PIGR: variants seen among roughly 807,000 people sequenced by gnomAD.
PIGR encodes the protein hepatocellular carcinoma associated protein TB6.
PIGR carries 22 observed loss-of-function variants against 69.5 expected under a neutral mutation model. That is an observed-to-expected ratio of 0.32 (90% confidence interval 0.23 to 0.45). The LOEUF (loss-of-function observed/expected upper bound fraction) is 0.45. Ranked by LOEUF, PIGR falls within the 20% of genes least tolerant of loss-of-function variation. The pLI is 1.00. For synonymous variants in PIGR, 413 were observed against 407.6 expected, an observed-to-expected ratio of 1.01 and a Z score of -0.16; for missense variants, 885 against 974.0, an observed-to-expected ratio of 0.91 and a Z score of 1.22.
At chr1:206,932,411 G>A (rs1310076688) in intron 8 of PIGR, 45 bp downstream of exon 8, 2 of 1,576,594 alleles carry the variant, frequency 1.3e-6, no homozygotes, top group Non-Finnish European at 1.7e-6. Context: ...CAGGACTGAG[G>A]GCTCGGGTTG....
chr1:206,937,389 C>A lies in PIGR; in HGVS notation c.751G>T (p.Gly251Cys), dbSNP rs1331849206. ...AGGGCACAGTGGAAGGTCACTGAGC[C>A]CCTCAGGTCTTCATAAACCAGCTCG... Reference protein sequence around the residue: ...EPELVYEDLRGSVTFHCALGP... With the variant: ...EPELVYEDLRCSVTFHCALGP... Residue 251 changes from glycine (G) to cysteine (C), a missense_variant, in exon 4 of 11, where the codon GGC (glycine) becomes TGC (cysteine). Coordinates refer to ENST00000356495, the MANE Select transcript of PIGR (RefSeq NM_002644.4). The A allele has an allele frequency of 6.2e-7, 1 of 1,613,864 alleles. No individual in the cohort carries two copies. The highest frequency in any genetic ancestry group is 8.5e-7 in the Non-Finnish European group (1 of 1,179,906).
rs12567634 is a variant in PIGR at position 206,939,800 on chromosome 1, C to T, written c.44-337G>A. On this transcript the variant is annotated intron_variant, in intron 2 of 10. Coordinates refer to ENST00000356495, the MANE Select transcript of PIGR (RefSeq NM_002644.4). Reference sequence around the variant, plus strand: ...GGTGTGCAGTGGCACGATCTCGGCTCACTGCAACCTCCGCTTCCCAGGTTC... The same window carrying T: ...GGTGTGCAGTGGCACGATCTCGGCTTACTGCAACCTCCGCTTCCCAGGTTC... Among the ~76,000 whole-genome samples the T allele has an allele frequency of 9.8e-5, 15 of 152,322 alleles. No individual in the cohort carries two copies. In the East Asian group the frequency reaches 2.5e-3, roughly 25 times the overall value.
intron 10 of PIGR, chr1:206,931,129 G>A (rs1009401541): frequency 1.0e-6 from 1 of 985,330 alleles, no homozygotes; most frequent in East Asian, 1.1e-4. Flanking sequence ...AAGGGAGGAT[G>A]TGTGGCCTGA....
Position 206,930,535 on chromosome 1 carries a change from G to T in PIGR, c.2200-122C>A. The T allele has an allele frequency of 7.2e-7, 1 of 1,384,588 alleles. No individual in the cohort carries two copies. Among genetic ancestry groups the T allele is most frequent in the Middle Eastern group, 1.9e-4 (1 of 5,276 alleles). 85.8% of individuals were successfully genotyped at this position (1,384,588 alleles called of 1,614,324 possible). A position where few individuals can be genotyped will look rare whatever the true frequency, so the allele number is the denominator to read the frequency against. On this transcript the variant is annotated intron_variant, in intron 10 of 10. Transcript: ENST00000356495. The surrounding 1 kb of genome is among the most constrained non-coding windows in gnomAD (Gnocchi z 4.3). ...TGGTCCAAGCAACACAAGCCTTTGG[G>T]GCCCACTGTTCTCATCCCAGCCCCC...
rs78207714 is a variant in PIGR at position 206,933,465 on chromosome 1, C to T, written c.1706-299G>A. Among the ~76,000 whole-genome samples, 469 of 152,244 alleles carry T rather than the reference C, an allele frequency of 3.1e-3. 6 individuals carry two copies. The East Asian group carries it at 0.055, about 18-fold the overall frequency. On this transcript the variant is annotated intron_variant, in intron 6 of 10. Transcript: ENST00000356495. ...TTATGCCCGGGAGATTTTCAAGGCT[C>T]TGAGACGCTGCCCCAGGCTTCCTGA...
At chr1:206,931,446 C>T (rs1256522358) in intron 10 of PIGR, 51 bp downstream of exon 10, 1 of 1,613,902 alleles carries the variant, frequency 6.2e-7, no homozygotes, top group South Asian at 1.1e-5. Context: ...ACTGCATCCC[C>T]TCATGCTGCA....
At chr1:206,933,444 G>A (rs977858413) in intron 6 of PIGR, among the ~76,000 whole-genome samples, 26 of 152,164 alleles carry the variant, frequency 1.7e-4, no homozygotes, top group Non-Finnish European at 3.5e-4. Context: ...CATCACTTAT[G>A]CCCGGGAGAT....
In PIGR at chr1:206,935,365, G is replaced by A. The variant is rs1007098241; in HGVS notation, c.1378+121C>T. 1.2e-5 allele frequency: 9 copies of A among 778,358 alleles called. No individual in the cohort carries two copies. Among genetic ancestry groups the A allele is most frequent in the Non-Finnish European group, 1.9e-5 (9 of 469,340 alleles). 48.2% of individuals were successfully genotyped at this position (778,358 alleles called of 1,614,324 possible). ...GAAAATGTGACCTCTGGATAGGTGG[G>A]CTCCCTCCTGAGGTCTGGCCCATCA... On this transcript the variant is annotated intron_variant, in intron 5 of 10. Transcript: ENST00000356495. The surrounding 1 kb of genome is among the most constrained non-coding windows in gnomAD (Gnocchi z 4.4).
At chr1:206,933,520 C>G (rs1260668927) in intron 6 of PIGR, among the ~76,000 whole-genome samples, 2 of 152,200 alleles carry the variant, frequency 1.3e-5, no homozygotes, top group Non-Finnish European at 2.9e-5. Context: ...AGTGCTGCCC[C>G]CTGGAGGTAG....
At chr1:206,942,316 G>A (rs936570916) in intron 1 of PIGR, among the ~76,000 whole-genome samples, 5 of 152,232 alleles carry the variant, frequency 3.3e-5, no homozygotes, top group South Asian at 2.1e-4. Flanking sequence ...TAGCTGGGAT[G>A]TCATCACCTG....
In PIGR at chr1:206,942,883, A is replaced by G. The variant is rs147283645; in HGVS notation, c.-53-2299T>C. Among the ~76,000 whole-genome samples the G allele has an allele frequency of 6.3e-3, 959 of 152,356 alleles. 11 individuals carry two copies. Among genetic ancestry groups the G allele is most frequent in the African/African-American group, 0.022 (921 of 41,590 alleles). On this transcript the variant is annotated intron_variant, in intron 1 of 10. Coordinates refer to ENST00000356495, the MANE Select transcript of PIGR (RefSeq NM_002644.4). ...AACATCAGCGGGATGCACACAGTCC[A>G]GTCCTAGATGGGATGATTGGCAGGA...
Position 206,937,104 on chromosome 1 carries a change from C to T in PIGR, c.1036G>A (p.Val346Ile), listed in dbSNP as rs12748810. ...CTCTCTAGGGTCTTACCCTCATTGACGAAGAGTTGCCAGGCCTGGATAGGC... is the reference window on the plus strand; with the variant it reads ...CTCTCTAGGGTCTTACCCTCATTGATGAAGAGTTGCCAGGCCTGGATAGGC... ...GSPIQAWQLF[V>I]NEESTIPRSP... The change falls in exon 4 of 11, where the codon GTC becomes ATC. Residue 346 changes from valine (V) to isoleucine (I), a missense_variant. By Grantham distance (29) the Val-to-Ile change is conservative. Transcript: ENST00000356495. The T allele has an allele frequency of 5.0e-3, 8,048 of 1,594,906 alleles. 21 individuals are homozygous for T. Among genetic ancestry groups the T allele is most frequent in the Middle Eastern group, 0.011 (67 of 5,974 alleles).
rs1679702093 is a variant in PIGR at position 206,930,058 on chromosome 1, A to G, written c.*260T>C. The G allele has an allele frequency of 2.6e-6, 1 of 389,952 alleles. No homozygotes were observed. The highest frequency in any genetic ancestry group is 3.9e-5 in the East Asian group (1 of 25,394). 24.2% of individuals were successfully genotyped at this position (389,952 alleles called of 1,614,324 possible). On this transcript the variant is annotated 3_prime_UTR_variant, in exon 11 of 11. Coordinates refer to ENST00000356495, the MANE Select transcript of PIGR (RefSeq NM_002644.4). This position sits in a 1 kb window ranked among gnomAD's most constrained non-coding sequence, Gnocchi z 4.3. ...CTTCAAGGGACCCATGAGGACCTCTATTCTTCTCCGTACCTGAGGTTCTCT... is the reference window on the plus strand; with the variant it reads ...CTTCAAGGGACCCATGAGGACCTCTGTTCTTCTCCGTACCTGAGGTTCTCT...
chr1:206,935,359 A>T lies in PIGR; in HGVS notation c.1378+127T>A. The T allele has an allele frequency of 1.4e-6, 1 of 728,114 alleles. No individual in the cohort carries two copies. Among genetic ancestry groups the T allele is most frequent in the Non-Finnish European group, 2.3e-6 (1 of 426,232 alleles). The allele number at this position is 728,114 out of a possible 1,614,324, so 45.1% of individuals were successfully genotyped here. ...AGGCATGAAAATGTGACCTCTGGAT[A>T]GGTGGGCTCCCTCCTGAGGTCTGGC... On this transcript the variant is annotated intron_variant, in intron 5 of 10. Transcript: ENST00000356495. This position sits in a 1 kb window ranked among gnomAD's most constrained non-coding sequence, Gnocchi z 4.4.
At position 206,939,366 on chromosome 1, in the gene PIGR, G is replaced by C. The variant is rs1177276275; in HGVS notation, c.141C>G (p.Val47=). Reference sequence around the variant, plus strand: ...ACCAGTACTTCCGGGTGTGCCGGTTGACAGAGGTGGGTGGGTAGTAGCACG... The same window carrying C: ...ACCAGTACTTCCGGGTGTGCCGGTTCACAGAGGTGGGTGGGTAGTAGCACG... ...SITCYYPPTS[V]NRHTRKYWCR... is the part of the protein sequence containing the mutation. Residue 47 remains valine, a synonymous_variant, in exon 3 of 11, where the codon GTC becomes GTG. Coordinates refer to ENST00000356495, the MANE Select transcript of PIGR (RefSeq NM_002644.4). The C allele has an allele frequency of 6.2e-7, 1 of 1,614,238 alleles. No individual in the cohort carries two copies. Among genetic ancestry groups the C allele is most frequent in the Non-Finnish European group, 8.5e-7 (1 of 1,180,044 alleles).
intron 7 of PIGR, 47 bp downstream of exon 7, chr1:206,932,939 C>CGGCTCTGG (rs1558011854): frequency 1.3e-5 from 20 of 1,588,362 alleles, no homozygotes; most frequent in Non-Finnish European, 1.6e-5. Flanking sequence ...CTCAGGTGCT[C>CGGCTCTGG]GGCTCTGGGG....
At position 206,934,401 on chromosome 1, in the gene PIGR, CCT is replaced by C; in HGVS notation, c.1705+17_1705+18del. 1 of 1,605,270 alleles carries C rather than the reference CCT, an allele frequency of 6.2e-7. No individual in the cohort carries two copies. Among genetic ancestry groups the C allele is most frequent in the Non-Finnish European group, 8.5e-7 (1 of 1,174,844 alleles). ...GCCTCTGGGTCTGAGGGGTGCAGGC[CCT>C]GTCCTTGGAGACTCACCCGCTGCCT... On this transcript the variant is annotated intron_variant, in intron 6 of 10. Coordinates refer to ENST00000356495, the MANE Select transcript of PIGR (RefSeq NM_002644.4).
rs751460143 is a variant in PIGR at position 206,933,171 on chromosome 1, A to G, written c.1706-5T>C. 1 of 1,613,618 alleles carries G rather than the reference A, an allele frequency of 6.2e-7. No individual in the cohort carries two copies. The highest frequency in any genetic ancestry group is 1.1e-5 in the South Asian group (1 of 91,066). On this transcript the variant is annotated splice_region_variant and splice_polypyrimidine_tract_variant and intron_variant, in intron 6 of 10. Transcript: ENST00000356495. The stretch of plus-strand genomic sequence containing the variant: ...CTAGGCTGACATCGCGGGACCCTGC[A>G]GCAGGGAAGAGTGGGCCTGGGTTGT...
At position 206,935,804 on chromosome 1, in the gene PIGR, G is replaced by A. The variant is rs760283428; in HGVS notation, c.1060C>T (p.Arg354Cys). Residue 354 changes from arginine to cysteine, a missense_variant, in exon 5 of 11, where the codon CGC (arginine) becomes TGC (cysteine). Physicochemically the swap from Arg to Cys is radical, Grantham distance 180. Coordinates refer to ENST00000356495, the MANE Select transcript of PIGR (RefSeq NM_002644.4). The surrounding 1 kb of genome is among the most constrained non-coding windows in gnomAD (Gnocchi z 4.4). ...LFVNEESTIP[R>C]SPTVVKGVAG... ...ACCCCCTTCACCACAGTGGGGCTGC[G>A]GGGAATCGTGGACTCTGGAAGCACA... 15 of 1,600,952 alleles carry A rather than the reference G, an allele frequency of 9.4e-6. No homozygotes were observed. Among genetic ancestry groups the A allele is most frequent in the Admixed American group, 5.0e-5 (3 of 59,564 alleles).
Sources: allele counts gnomAD v4.1 joint callset (sites outside exome capture counted in the v4.1 genomes callset), GRCh38; gene constraint gnomAD v4.1.1; non-coding constraint Gnocchi (gnomAD v3.1); transcripts MANE v1.5; gene names NCBI Gene and HGNC (gene_info 2026-07-23, HGNC 2026-07-21).